The following HEATR5B variants were observed in gnomAD, a reference collection of about 807,000 sequenced individuals.
HEATR5B encodes HEAT repeat containing 5B.
A neutral mutation model predicts 224.1 loss-of-function variants in HEATR5B; 156 were observed. The ratio of observed to expected loss-of-function variants is 0.70; its 90% confidence interval spans 0.61 to 0.80. HEATR5B has a LOEUF of 0.80. Ranked by LOEUF, HEATR5B falls within the 30% of genes least tolerant of loss-of-function variation. HEATR5B has a pLI of 0.00. For missense variants in HEATR5B, 2,323 were observed against 2,535.5 expected (o/e 0.92, Z 1.80); for synonymous variants, 1,027 against 893.0 (o/e 1.15, Z -2.68).
intron 3 of HEATR5B, among the ~76,000 whole-genome samples, chr2:37,077,246 C>T (rs1672290561): frequency 6.6e-6 from 1 of 151,922 alleles, no homozygotes; most frequent in South Asian, 2.1e-4. Context: ...GTTAGGAATA[C>T]AAAAGAATCT....
At position 36,988,698 on chromosome 2, in the gene HEATR5B, T is replaced by C; in HGVS notation, c.5859A>G (p.Gln1953=). ...GTGTTTCAAGAACTTTTATTCCTTCTTGAACCGCTAAAAGCTCTATGTTAC... is the reference window on the plus strand; with the variant it reads ...GTGTTTCAAGAACTTTTATTCCTTCCTGAACCGCTAAAAGCTCTATGTTAC... ...PASNIELLAV[Q]EGIKVLETLV... Residue 1953 remains glutamine, a synonymous_variant, in exon 35 of 36, where the codon CAA becomes CAG. Coordinates refer to ENST00000233099, the MANE Select transcript of HEATR5B (RefSeq NM_019024.3). 1.2e-6 allele frequency: 2 copies of C among 1,614,194 alleles called. No individual in the cohort carries two copies. The highest frequency in any genetic ancestry group is 1.1e-5 in the South Asian group (1 of 91,088).
chr2:36,989,188 C>A (rs530551772), intron 34 of HEATR5B, among the ~76,000 whole-genome samples: 1 of 152,224 alleles, frequency 6.6e-6, no homozygotes, highest in East Asian at 1.9e-4. Context: ...CGGGTTCAAG[C>A]GATTCTCCTG....
At chr2:36,981,991 T>C (rs1422588295) in intron 35 of HEATR5B, among the ~76,000 whole-genome samples, 197 bp from the exon 36 acceptor site, 1 of 151,916 alleles carries the variant, frequency 6.6e-6, no homozygotes, top group Non-Finnish European at 1.5e-5. Flanking sequence ...TTGTTAATAT[T>C]GTATATTTTA....
chr2:37,071,134 C>T (rs1671880227), intron 6 of HEATR5B, among the ~76,000 whole-genome samples: 1 of 57,154 alleles, frequency 1.7e-5, no homozygotes, highest in Non-Finnish European at 3.3e-5. Context: ...AACATTACAT[C>T]ATCATCATCA....
intron 20 of HEATR5B, among the ~76,000 whole-genome samples, chr2:37,038,742 C>T (rs1042760463): frequency 6.6e-6 from 1 of 150,988 alleles, no homozygotes; most frequent in Admixed American, 6.6e-5. Flanking sequence ...GTCAGGAGTT[C>T]GAGACCAGCC....
At chr2:37,003,748 G>C in intron 30 of HEATR5B, 62 bp from the exon 31 acceptor site, 7 of 1,159,602 alleles carry the variant, frequency 6.0e-6, no homozygotes, top group Non-Finnish European at 8.1e-6. Flanking sequence ...ACTTTATATT[G>C]TTAAAATCTG....
At chr2:37,059,724 T>A (rs1310040167) in intron 12 of HEATR5B, among the ~76,000 whole-genome samples, 1 of 151,998 alleles carries the variant, frequency 6.6e-6, no homozygotes. Flanking sequence ...CTTCCCAAAG[T>A]GCTGGGATTA....
intron 27 of HEATR5B, among the ~76,000 whole-genome samples, chr2:37,010,500 C>CT (rs397970730): frequency 6.7e-6 from 1 of 150,114 alleles, no homozygotes; most frequent in African/African-American, 2.4e-5. Context: ...TGTTTCCCCC[C>CT]TAAATTTGTT....
chr2:37,008,835 G>A lies in HEATR5B; in HGVS notation c.4298C>T (p.Ala1433Val), dbSNP rs1667598822. The change falls in exon 28 of 36, where the codon GCT (alanine) becomes GTT (valine). Residue 1433 changes from alanine to valine, a missense_variant. Coordinates refer to ENST00000233099, the MANE Select transcript of HEATR5B (RefSeq NM_019024.3). ...CTCTGCTTCCTTTTTAATATTCATA[G>A]CGACCACATATACCTAATATGATAT... ...LKAWAEVYVVAMNIKKEAESK... is the reference protein window; with the variant it reads ...LKAWAEVYVVVMNIKKEAESK... 1 of 1,602,604 alleles carries A rather than the reference G, an allele frequency of 6.2e-7. No homozygotes were observed.
chr2:36,982,899 C>G (rs1261713597), intron 35 of HEATR5B, among the ~76,000 whole-genome samples: 1 of 151,470 alleles, frequency 6.6e-6, no homozygotes, highest in Non-Finnish European at 1.5e-5. Flanking sequence ...CACACACACA[C>G]ACACACACAC....
At chr2:37,075,117 T>C (rs940493299) in intron 5 of HEATR5B, among the ~76,000 whole-genome samples, 1 of 152,232 alleles carries the variant, frequency 6.6e-6, no homozygotes, top group South Asian at 2.1e-4. Flanking sequence ...TATATACAGA[T>C]GTTCACAGCA....
intron 35 of HEATR5B, among the ~76,000 whole-genome samples, chr2:36,985,608 C>A (rs539720878): frequency 6.9e-5 from 10 of 145,508 alleles, no homozygotes; most frequent in Non-Finnish European, 1.3e-4. Context: ...CAGGCATGTG[C>A]CACCACTCCT....
In HEATR5B at chr2:37,079,270, G is replaced by T; in HGVS notation, c.188C>A (p.Ser63Ter). The change falls in exon 3 of 36, where the codon TCA (serine) becomes TAA (stop). Residue 63 changes from serine to a stop codon, truncating the protein, a stop_gained. Coordinates refer to ENST00000233099, the MANE Select transcript of HEATR5B (RefSeq NM_019024.3). LOFTEE classifies it high-confidence loss of function. ...TAATTTTCGTGTAGGTGGTCCAGGT[G>T]AACTACTTATTAATCCAGTTAATTG... ...VEQLTGLISS[S>*]PGPPTRKLLA... The T allele has an allele frequency of 6.2e-7, 1 of 1,612,876 alleles. No homozygotes were observed. The highest frequency in any genetic ancestry group is 1.1e-5 in the South Asian group (1 of 91,028).
chr2:37,037,757 CA>C, intron 21 of HEATR5B, 97 bp downstream of exon 21: 1 of 813,086 alleles, frequency 1.2e-6, no homozygotes, highest in Non-Finnish European at 1.7e-6. Context: ...CCAAGTACCC[CA>C]AAAATATATA....
At chr2:36,995,841 GATAA>G (rs1345205589) in intron 33 of HEATR5B, among the ~76,000 whole-genome samples, 1 of 152,128 alleles carries the variant, frequency 6.6e-6, no homozygotes, top group Admixed American at 6.5e-5. Flanking sequence ...TATAATAGGT[GATAA>G]ATAACCTTGA....
At chr2:36,985,510 T>G (rs1443259394) in intron 35 of HEATR5B, among the ~76,000 whole-genome samples, 2 of 145,792 alleles carry the variant, frequency 1.4e-5, no homozygotes, top group East Asian at 2.0e-4. Context: ...CAGGCTGGAG[T>G]GCAGTGGTGT....
chr2:37,034,839 T>C (rs569174739), intron 21 of HEATR5B, among the ~76,000 whole-genome samples: 66 of 152,124 alleles, frequency 4.3e-4, no homozygotes, highest in African/African-American at 1.6e-3. Context: ...ATTACAGGTG[T>C]GAGCCACCGC....
At chr2:37,037,185 G>A (rs999710730) in intron 21 of HEATR5B, among the ~76,000 whole-genome samples, 8 of 99,148 alleles carry the variant, frequency 8.1e-5, no homozygotes, top group Admixed American at 2.9e-4. Flanking sequence ...TTGCTCTGTC[G>A]CCCAGGCTGG....
Position 37,059,015 on chromosome 2 carries a change from T to C in HEATR5B, c.1850-28A>G, listed in dbSNP as rs747123749. On this transcript the variant is annotated intron_variant, in intron 12 of 35. Transcript: ENST00000233099. The stretch of plus-strand genomic sequence containing the variant: ...AGATAAAATGTTTAAAAGGACAGAT[T>C]TGGAGTAGCTTTTGTGAACATGAAT... The C allele has an allele frequency of 3.6e-6, 5 of 1,383,400 alleles. No individual in the cohort carries two copies. The South Asian group carries it at 6.2e-5, about 17-fold the overall frequency. 85.7% of individuals were successfully genotyped at this position (1,383,400 alleles called of 1,614,324 possible).
Sources: allele counts gnomAD v4.1 joint callset (sites outside exome capture counted in the v4.1 genomes callset), GRCh38; gene constraint gnomAD v4.1.1; transcripts MANE v1.5; gene names NCBI Gene and HGNC (gene_info 2026-07-23, HGNC 2026-07-21).